Variants in PCDHA2 observed in about 807,000 individuals in gnomAD.
PCDHA2 encodes protocadherin alpha 2.
In PCDHA2, 58 loss-of-function variants were observed where a neutral mutation model predicts 66.0. That is an observed-to-expected ratio of 0.88 (90% confidence interval 0.71 to 1.09). The LOEUF (loss-of-function observed/expected upper bound fraction) is 1.09. Among genes scored for constraint, PCDHA2 ranks in the 50% least tolerant of loss-of-function variants. PCDHA2 has a pLI of 0.00. For synonymous variants in PCDHA2, 634 were observed against 554.0 expected (o/e 1.14, Z -2.03); for missense variants, 1,267 against 1,242.3 (o/e 1.02, Z -0.30).
chr5:140,822,737 C>T lies in PCDHA2; in HGVS notation c.2388+25385C>T, dbSNP rs140652619. Reference sequence around the variant, plus strand: ...AACTCATATGAAATTAATATTGATGCCATGGATAAAAGTACATTCCCATTA... The same window carrying T: ...AACTCATATGAAATTAATATTGATGTCATGGATAAAAGTACATTCCCATTA... On this transcript the variant is annotated intron_variant, in intron 1 of 3. Transcript: ENST00000526136. The T allele has an allele frequency of 1.5e-5, 24 of 1,613,148 alleles. No homozygotes were observed. The highest frequency in any genetic ancestry group is 1.9e-5 in the Non-Finnish European group (22 of 1,179,124).
chr5:140,841,768 C>T (rs2150322349), intron 1 of PCDHA2: 2 of 1,613,936 alleles, frequency 1.2e-6, no homozygotes, highest in East Asian at 2.2e-5. Context: ...GAATGCCAGA[C>T]TCTCGGTTTC....
chr5:140,844,090 A>G (rs1779217749), intron 1 of PCDHA2, among the ~76,000 whole-genome samples: 1 of 149,658 alleles, frequency 6.7e-6, no homozygotes. Context: ...CTGAACTCTT[A>G]ATCTTACTCC....
Position 140,828,509 on chromosome 5 carries a change from G to C in PCDHA2, c.2388+31157G>C, listed in dbSNP as rs2150156220. 7.7e-5 allele frequency: 125 copies of C among 1,614,278 alleles called. 6 individuals are homozygous for C. The South Asian group carries it at 1.4e-3, about 18-fold the overall frequency. ...CTTGTTCCCGGTAGAGGAACAAAGAGTGCTGATTTACGAATCTAGGCTGCC... is the reference window on the plus strand; with the variant it reads ...CTTGTTCCCGGTAGAGGAACAAAGACTGCTGATTTACGAATCTAGGCTGCC... On this transcript the variant is annotated intron_variant, in intron 1 of 3. Transcript: ENST00000526136.
intron 1 of PCDHA2, chr5:140,966,951 C>T (rs781885198): frequency 6.2e-7 from 1 of 1,603,742 alleles, no homozygotes; most frequent in Non-Finnish European, 8.5e-7. Context: ...GGCAACGTGG[C>T]TCGCGCGCTG....
At chr5:140,909,360 T>C (rs2074454382) in intron 1 of PCDHA2, among the ~76,000 whole-genome samples, 1 of 152,222 alleles carries the variant, frequency 6.6e-6, no homozygotes, top group South Asian at 2.1e-4. Flanking sequence ...ATGTGTTAAT[T>C]TGTTCAAGCA....
chr5:140,921,367 T>A (rs1165325497), intron 1 of PCDHA2, among the ~76,000 whole-genome samples: 1 of 152,182 alleles, frequency 6.6e-6, no homozygotes, highest in Non-Finnish European at 1.5e-5. Context: ...TCAAGTTTCA[T>A]ATTTCTACAT....
intron 1 of PCDHA2, among the ~76,000 whole-genome samples, chr5:140,976,124 C>G (rs1554237320): frequency 6.6e-6 from 1 of 152,158 alleles, no homozygotes. Flanking sequence ...CAAGTTTAAT[C>G]AAGTTCTGGA....
chr5:140,968,046 T>A (rs1554230254), intron 1 of PCDHA2: 2 of 1,614,072 alleles, frequency 1.2e-6, no homozygotes, highest in African/African-American at 1.3e-5. Context: ...AGCGGCCCAC[T>A]GGACCGAGAG....
At chr5:140,919,306 A>T (rs1407810868) in intron 1 of PCDHA2, among the ~76,000 whole-genome samples, 1 of 152,150 alleles carries the variant, frequency 6.6e-6, no homozygotes, top group Non-Finnish European at 1.5e-5. Context: ...TGTACAATAT[A>T]TGTTTTCCCA....
chr5:140,978,575 G>A (rs2096810585), intron 1 of PCDHA2, among the ~76,000 whole-genome samples: 1 of 152,202 alleles, frequency 6.6e-6, no homozygotes, highest in African/African-American at 2.4e-5. Flanking sequence ...ATACTGAATT[G>A]GGAATGTTCC....
rs151053430 is a variant in PCDHA2 at position 140,849,630 on chromosome 5, G to T, written c.2388+52278G>T. Reference sequence around the variant, plus strand: ...CCTGATTAGTGTGATCGACCTAGACGCAGATGCCAACGGGCAGGTTACCTG... The same window carrying T: ...CCTGATTAGTGTGATCGACCTAGACTCAGATGCCAACGGGCAGGTTACCTG... On this transcript the variant is annotated intron_variant, in intron 1 of 3. Transcript: ENST00000526136. 6.9e-4 allele frequency: 1,103 copies of T among 1,598,686 alleles called. 107 individuals are homozygous for T. Among genetic ancestry groups the T allele is most frequent in the South Asian group, 1.2e-3 (106 of 90,556 alleles).
Position 140,883,665 on chromosome 5 carries a change from A to G in PCDHA2, c.2388+86313A>G, listed in dbSNP as rs782383703. 3.7e-6 allele frequency: 6 copies of G among 1,613,494 alleles called. No individual in the cohort carries two copies. The African/African-American group carries it at 8.0e-5, about 22-fold the overall frequency. On this transcript the variant is annotated intron_variant, in intron 1 of 3. Transcript: ENST00000526136. ...CCCGAGTACACGGTGTTCGTGAAGG[A>G]AAACAATCCGCCGGGCTGCCACATC...
At chr5:140,851,866 C>G in intron 1 of PCDHA2, 1 of 976,572 alleles carries the variant, frequency 1.0e-6, no homozygotes, top group Non-Finnish European at 1.2e-6. Flanking sequence ...TCATACATAA[C>G]ACAAGGCAGA....
At chr5:140,981,630 A>G (rs1299640748) in intron 2 of PCDHA2, among the ~76,000 whole-genome samples, 1 of 152,110 alleles carries the variant, frequency 6.6e-6, no homozygotes, top group East Asian at 1.9e-4. Flanking sequence ...GTTTTCTTGG[A>G]CATTTTCTCT....
intron 1 of PCDHA2, among the ~76,000 whole-genome samples, chr5:140,965,140 TG>T (rs1191631396): frequency 2.0e-5 from 3 of 152,150 alleles, no homozygotes; most frequent in Non-Finnish European, 4.4e-5. Flanking sequence ...GACAGAATAC[TG>T]GGAGATGAAG....
rs2150367479 is a variant in PCDHA2, at chr5:140,843,905, G to A, written c.2388+46553G>A. 8 of 645,878 alleles carry A rather than the reference G, an allele frequency of 1.2e-5. 1 individual carries two copies. Among genetic ancestry groups the A allele is most frequent in the African/African-American group, 1.8e-5 (1 of 54,098 alleles). 40.0% of individuals were successfully genotyped at this position (645,878 alleles called of 1,614,324 possible). ...ATACAGTATTAATCATTCTCCACAA[G>A]TTGGGTCTATCTTGAAACTCAAGTT... On this transcript the variant is annotated intron_variant, in intron 1 of 3. Coordinates refer to ENST00000526136, the MANE Select transcript of PCDHA2 (RefSeq NM_018905.3).
At chr5:140,836,139 G>T (rs2150253761) in intron 1 of PCDHA2, 1 of 1,613,778 alleles carries the variant, frequency 6.2e-7, no homozygotes, top group Middle Eastern at 1.6e-4. Context: ...GCGGTCTGTG[G>T]GCGCGGGCCA....
chr5:140,917,333 G>T (rs1301739777), intron 1 of PCDHA2, among the ~76,000 whole-genome samples: 6 of 148,632 alleles, frequency 4.0e-5, no homozygotes, highest in East Asian at 2.0e-4. Context: ...GCGGGGGAGG[G>T]GGGGGATGGT....
At chr5:141,001,030 G>A (rs1356604139) in intron 3 of PCDHA2, among the ~76,000 whole-genome samples, 1 of 151,894 alleles carries the variant, frequency 6.6e-6, no homozygotes, top group Non-Finnish European at 1.5e-5. Context: ...TATAATAATA[G>A]CTTTAATTAA....
Sources: allele counts gnomAD v4.1 joint callset (sites outside exome capture counted in the v4.1 genomes callset), GRCh38; gene constraint gnomAD v4.1.1; transcripts MANE v1.5; gene names NCBI Gene and HGNC (gene_info 2026-07-23, HGNC 2026-07-21).